Variants in APPL2 observed in about 807,000 individuals in gnomAD.
APPL2 encodes adaptor protein, phosphotyrosine interacting with PH domain and leucine zipper 2, also known as DCC-interacting protein 13-beta.
APPL2 carries 84 observed loss-of-function variants against 92.7 expected under a neutral mutation model. The observed-to-expected ratio is 0.91, with a 90% CI of 0.76 to 1.09. The LOEUF (loss-of-function observed/expected upper bound fraction) is 1.09, where lower values mean the gene tolerates loss of function less well. Among genes scored for constraint, APPL2 ranks in the 50% least tolerant of loss-of-function variants. The pLI, the probability that APPL2 is intolerant of heterozygous loss-of-function variation, is 0.00. For missense variants in APPL2, 736 were observed against 824.5 expected (o/e 0.89, Z 1.31); for synonymous variants, 291 against 291.0 (o/e 1.00, Z 0.00).
At chr12:105,193,928 C>T (rs189081072) in intron 14 of APPL2, among the ~76,000 whole-genome samples, 1 of 152,298 alleles carries the variant, frequency 6.6e-6, no homozygotes, top group East Asian at 1.9e-4. Flanking sequence ...TTGCCTGTAA[C>T]TCCTAAGCAG....
chr12:105,201,513 C>G (rs1181459942), intron 9 of APPL2, among the ~76,000 whole-genome samples: 1 of 152,070 alleles, frequency 6.6e-6, no homozygotes, highest in African/African-American at 2.4e-5. Flanking sequence ...CCCAGAAAGA[C>G]ACGGGCACCA....
chr12:105,235,824 G>T, intron 1 of APPL2, 135 bp downstream of exon 1: 2 of 601,276 alleles, frequency 3.3e-6, no homozygotes, highest in Non-Finnish European at 4.7e-6. Flanking sequence ...GAGAGAACCC[G>T]GTGGGAGGCG....
In APPL2 at chr12:105,219,210, A is replaced by AT. The variant is rs148768649; in HGVS notation, c.154-1486dup. Among the ~76,000 whole-genome samples the AT allele has an allele frequency of 3.4e-3, 513 of 152,164 alleles. 2 individuals are homozygous for AT. Among genetic ancestry groups the AT allele is most frequent in the African/African-American group, 0.012 (482 of 41,490 alleles). ...AGCTTATTTTATTTTTCCCAGTCCT[A>AT]TTTGGCAGAATACAGTAGAGCCAAG... On this transcript the variant is annotated intron_variant, in intron 2 of 20. Transcript: ENST00000258530.
intron 2 of APPL2, among the ~76,000 whole-genome samples, chr12:105,222,269 C>T (rs536026974): frequency 2.4e-4 from 37 of 151,930 alleles, no homozygotes; most frequent in African/African-American, 8.5e-4. Flanking sequence ...AGCTCAGGCA[C>T]GGGTGGAAGA....
intron 2 of APPL2, among the ~76,000 whole-genome samples, chr12:105,227,134 T>A (rs80031228): frequency 1.7e-4 from 25 of 148,930 alleles, no homozygotes; most frequent in African/African-American, 5.4e-4. Flanking sequence ...AAATTAAAAA[T>A]AAAAAAAAAA....
Position 105,233,154 on chromosome 12 carries a change from C to T in APPL2, c.54+2805G>A, listed in dbSNP as rs922757127. 1.0e-5 allele frequency: 10 copies of T among 985,328 alleles called. No individual in the cohort carries two copies. In the African/African-American group the frequency reaches 1.4e-4, roughly 14 times the overall value. The allele number at this position is 985,328 out of a possible 1,614,324, so 61.0% of individuals were successfully genotyped here. On this transcript the variant is annotated intron_variant, in intron 1 of 20. Coordinates refer to ENST00000258530, the MANE Select transcript of APPL2 (RefSeq NM_018171.5). ...AGGAGCTCAAAGCTGCATTTGTGTT[C>T]CTATCGCAGCAGGATTCACACTGTA...
At chr12:105,200,864 G>GTATGTATCTATCTATCTATC (rs757298388) in intron 9 of APPL2, among the ~76,000 whole-genome samples, 16 of 134,972 alleles carry the variant, frequency 1.2e-4, no homozygotes, top group Non-Finnish European at 1.8e-4. Flanking sequence ...ATGTATGTAT[G>GTATGTATCTATCTATCTATC]TATCTATCTA....
rs759532285 is a variant in APPL2 at position 105,199,582 on chromosome 12, C to A, written c.705-51G>T. The A allele has an allele frequency of 6.4e-6, 10 of 1,570,652 alleles. 1 individual carries two copies. In the South Asian group the frequency reaches 1.2e-4, roughly 18 times the overall value. ...TTACTCACTGCTGGCCAACCCAGCA[C>A]TACTAAGAAGCCACTGGCAGCCATC... is the stretch of plus-strand genomic sequence containing the variant. On this transcript the variant is annotated intron_variant, in intron 9 of 20. Coordinates refer to ENST00000258530, the MANE Select transcript of APPL2 (RefSeq NM_018171.5).
intron 2 of APPL2, among the ~76,000 whole-genome samples, chr12:105,226,799 A>G (rs1890543842): frequency 1.3e-5 from 2 of 152,240 alleles, no homozygotes; most frequent in African/African-American, 2.4e-5. Flanking sequence ...CTAAATTCTG[A>G]ATGTCTTAAC....
chr12:105,177,299 G>C, intron 17 of APPL2, 37 bp from the exon 18 acceptor site: 1 of 1,587,384 alleles, frequency 6.3e-7, no homozygotes, highest in Non-Finnish European at 8.7e-7. Flanking sequence ...CACAAATGTT[G>C]GATAAATTTA....
At chr12:105,186,699 C>CATATATCATATAT (rs145976697) in intron 17 of APPL2, among the ~76,000 whole-genome samples, 2 of 134,570 alleles carry the variant, frequency 1.5e-5, no homozygotes, top group Non-Finnish European at 3.1e-5. Context: ...TATCATATAT[C>CATATATCATATAT]ATATCATATA....
intron 1 of APPL2, among the ~76,000 whole-genome samples, chr12:105,232,763 CAAAAAAAA>C (rs55939711): frequency 5.2e-3 from 402 of 78,046 alleles, no homozygotes; most frequent in African/African-American, 0.019. Context: ...GACCCTGTCT[CAAAAAAAA>C]AAAAAAAAAA....
At chr12:105,178,854 AAC>A (rs1885813407) in intron 17 of APPL2, among the ~76,000 whole-genome samples, 2 of 152,248 alleles carry the variant, frequency 1.3e-5, no homozygotes, top group Admixed American at 6.5e-5. Flanking sequence ...ATAGATCATA[AAC>A]AGTTTTCCTC....
chr12:105,174,317 T>C lies in APPL2; in HGVS notation c.1992A>G (p.Ala664=), dbSNP rs1409827525. The change falls in exon 21 of 21, where the codon GCA becomes GCG. Residue 664 remains alanine, a synonymous_variant. Transcript: ENST00000258530. ...TTCCCCCACAGGCGCAAGTGAGTTA[T>C]GCTTCGGATTCTGCGCCTCTATGTT... ...PNEHRGAESE[A] The C allele has an allele frequency of 1.9e-6, 3 of 1,613,676 alleles. No individual in the cohort carries two copies. Among genetic ancestry groups the C allele is most frequent in the East Asian group, 2.2e-5 (1 of 44,870 alleles).
chr12:105,218,797 C>T (rs912901632), intron 2 of APPL2, among the ~76,000 whole-genome samples: 2 of 152,226 alleles, frequency 1.3e-5, no homozygotes, highest in African/African-American at 4.8e-5. Context: ...AACAGAAGCA[C>T]AGCTAAACCC....
rs145163417 is a variant in APPL2, at chr12:105,207,144, G to A, written c.538C>T (p.Gln180Ter). 4 of 1,614,180 alleles carry A rather than the reference G, an allele frequency of 2.5e-6. No individual in the cohort carries two copies. Among genetic ancestry groups the A allele is most frequent in the East Asian group, 2.2e-5 (1 of 44,872 alleles). ...AGCGCGTTGAGGGCACAGTAGTACT[G>A]AAGGGAGGAGAGGTGCTGCTTCCGC... Reference protein sequence around the residue: ...ARRKQHLSSLQYYCALNALQY... With the variant: ...ARRKQHLSSL The change falls in exon 8 of 21, where the codon CAG becomes TAG. Residue 180 changes from glutamine to a stop codon, truncating the protein, a stop_gained. Transcript: ENST00000258530. LOFTEE classifies it high-confidence loss of function.
rs1256468006 is a variant in APPL2, at chr12:105,199,406, A to C, written c.830T>G (p.Leu277Arg). The C allele has an allele frequency of 1.2e-6, 2 of 1,613,716 alleles. No individual in the cohort carries two copies. Among genetic ancestry groups the C allele is most frequent in the Non-Finnish European group, 1.7e-6 (2 of 1,179,788 alleles). The change falls in exon 10 of 21, where the codon CTC becomes CGC. Residue 277 changes from leucine (L) to arginine (R), a missense_variant. Coordinates refer to ENST00000258530, the MANE Select transcript of APPL2 (RefSeq NM_018171.5). ...DVAAPQINRNLIQKAGYLNLR... is the reference protein window; with the variant it reads ...DVAAPQINRNRIQKAGYLNLR... The stretch of plus-strand genomic sequence containing the variant: ...ATTAAGGTAACCAGCCTTCTGGATG[A>C]GGTTCCTGTTGATCTGTGGTGCGGC...
At position 105,203,792 on chromosome 12, in the gene APPL2, G is replaced by C. The variant is rs1888447922; in HGVS notation, c.622-7C>G. 1.0e-5 allele frequency: 16 copies of C among 1,605,170 alleles called. No homozygotes were observed. The highest frequency in any genetic ancestry group is 1.4e-5 in the Non-Finnish European group (16 of 1,171,800). On this transcript the variant is annotated splice_region_variant and splice_polypyrimidine_tract_variant and intron_variant, in intron 8 of 20. Coordinates refer to ENST00000258530, the MANE Select transcript of APPL2 (RefSeq NM_018171.5). ...CCTTCTTAAAAAAGTTAATCTGAAA[G>C]ATATAATTATAATATTCTGAAAATC...
intron 19 of APPL2, chr12:105,176,459 TAG>T (rs1885554467): frequency 2.3e-6 from 1 of 443,650 alleles, no homozygotes; most frequent in Admixed American, 4.0e-5. Context: ...AAGTAGCAGA[TAG>T]AGTCAAAAGT....
Sources: allele counts gnomAD v4.1 joint callset (sites outside exome capture counted in the v4.1 genomes callset), GRCh38; gene constraint gnomAD v4.1.1; transcripts MANE v1.5; gene names NCBI Gene and HGNC (gene_info 2026-07-23, HGNC 2026-07-21).